GRM1: variants seen among roughly 807,000 people sequenced by gnomAD.
The protein encoded by GRM1 is metabotropic glutamate receptor 1.
A neutral mutation model predicts 90.9 loss-of-function variants in GRM1; 33 were observed. The observed-to-expected ratio is 0.36, with a 90% confidence interval of 0.28 to 0.49. The LOEUF (loss-of-function observed/expected upper bound fraction) is 0.49, where lower values mean the gene tolerates loss of function less well. GRM1 is among the 20% of genes least tolerant of loss of function. The pLI is 0.99. For missense variants in GRM1, 1,190 were observed against 1,534.3 expected (o/e 0.78, Z 3.75); for synonymous variants, 700 against 613.2 (o/e 1.14, Z -2.09).
chr6:146,315,762 T>C lies in GRM1; in HGVS notation c.1186+10916T>C, dbSNP rs932299167. Among the ~76,000 whole-genome samples, 4 of 152,226 alleles carry C rather than the reference T, an allele frequency of 2.6e-5. 1 individual carries two copies. The South Asian group carries it at 8.3e-4, about 32-fold the overall frequency. ...TCAGAACCATCTGTCACTGTCCAAGTTGAGAGCCTGCTAAGGTTTTGGCCC... is the reference window on the plus strand; with the variant it reads ...TCAGAACCATCTGTCACTGTCCAAGCTGAGAGCCTGCTAAGGTTTTGGCCC... On this transcript the variant is annotated intron_variant, in intron 3 of 7. Coordinates refer to ENST00000282753, the MANE Select transcript of GRM1 (RefSeq NM_001278064.2).
chr6:146,213,992 G>A (rs562572802), intron 2 of GRM1, among the ~76,000 whole-genome samples: 9 of 152,140 alleles, frequency 5.9e-5, no homozygotes, highest in African/African-American at 9.6e-5. Flanking sequence ...TGTCTGAGGC[G>A]GTAAAAGAAG....
chr6:146,106,932 T>G (rs927299943), intron 1 of GRM1, among the ~76,000 whole-genome samples: 1 of 152,246 alleles, frequency 6.6e-6, no homozygotes, highest in Non-Finnish European at 1.5e-5. Flanking sequence ...TGCTTTTTAC[T>G]TGTATCACTT....
At chr6:146,123,889 G>C (rs988466869) in intron 1 of GRM1, among the ~76,000 whole-genome samples, 3 of 152,118 alleles carry the variant, frequency 2.0e-5, no homozygotes, top group Non-Finnish European at 4.4e-5. Context: ...TATTTGAGTG[G>C]CATCATGGAA....
intron 3 of GRM1, among the ~76,000 whole-genome samples, chr6:146,332,344 G>GT (rs1156337198): frequency 6.6e-6 from 1 of 152,146 alleles, no homozygotes; most frequent in East Asian, 1.9e-4. Context: ...TCCTAAGCCT[G>GT]TTTAAGTTGT....
chr6:146,381,799 T>G (rs1776328989), intron 5 of GRM1, among the ~76,000 whole-genome samples: 1 of 152,182 alleles, frequency 6.6e-6, no homozygotes, highest in Non-Finnish European at 1.5e-5. Flanking sequence ...AATTTTCTCT[T>G]TTACCTTTTT....
intron 1 of GRM1, among the ~76,000 whole-genome samples, chr6:146,088,404 C>A (rs1776615141): frequency 6.6e-6 from 1 of 152,030 alleles, no homozygotes; most frequent in Non-Finnish European, 1.5e-5. Flanking sequence ...TACTGAAACA[C>A]CTGATATTTC....
intron 1 of GRM1, among the ~76,000 whole-genome samples, chr6:146,132,560 T>G (rs1776446950): frequency 6.6e-6 from 1 of 152,194 alleles, no homozygotes; most frequent in African/African-American, 2.4e-5. Flanking sequence ...TCCCACATTT[T>G]ATTGTGTATT....
chr6:146,110,663 G>A (rs1056796582), intron 1 of GRM1, among the ~76,000 whole-genome samples: 24 of 152,108 alleles, frequency 1.6e-4, no homozygotes, highest in African/African-American at 5.6e-4. Context: ...CCTAAAAGCT[G>A]TTCCTGACAA....
intron 1 of GRM1, among the ~76,000 whole-genome samples, chr6:146,083,748 A>G (rs2128864516): frequency 6.6e-6 from 1 of 152,330 alleles, no homozygotes; most frequent in South Asian, 2.1e-4. Context: ...CTGGCCTCAT[A>G]AAATGAGTTA....
intron 1 of GRM1, among the ~76,000 whole-genome samples, chr6:146,063,950 A>T (rs372203748): frequency 2.0e-5 from 3 of 152,184 alleles, no homozygotes; most frequent in African/African-American, 7.2e-5. Context: ...AAATCTGGAA[A>T]CTATGCATTA....
chr6:146,319,440 T>C (rs1784091667), intron 3 of GRM1, among the ~76,000 whole-genome samples: 1 of 152,214 alleles, frequency 6.6e-6, no homozygotes, highest in Non-Finnish European at 1.5e-5. Context: ...AGGATTGTCT[T>C]GGCTATATGG....
intron 7 of GRM1, among the ~76,000 whole-genome samples, chr6:146,417,697 A>G (rs1006586011): frequency 6.6e-6 from 1 of 152,168 alleles, no homozygotes; most frequent in Non-Finnish European, 1.5e-5. Flanking sequence ...CACAAAATTT[A>G]GGTTTTTGTG....
intron 5 of GRM1, among the ~76,000 whole-genome samples, chr6:146,359,720 C>G (rs148439584): frequency 2.0e-5 from 3 of 152,082 alleles, no homozygotes; most frequent in Non-Finnish European, 1.5e-5. Context: ...CAAGGCTGTC[C>G]GCATTTGTCC....
At chr6:146,231,126 C>T (rs1195752721) in intron 2 of GRM1, among the ~76,000 whole-genome samples, 2 of 152,100 alleles carry the variant, frequency 1.3e-5, no homozygotes, top group Non-Finnish European at 2.9e-5. Flanking sequence ...ATGTGCAACA[C>T]TGAGAGTGAA....
chr6:146,237,502 G>C (rs1232941444), intron 2 of GRM1, among the ~76,000 whole-genome samples: 1 of 149,640 alleles, frequency 6.7e-6, no homozygotes, highest in African/African-American at 2.5e-5. Context: ...ATAGTTATTT[G>C]TAAAATATTT....
chr6:146,313,790 C>CA (rs1352334373), intron 3 of GRM1, among the ~76,000 whole-genome samples: 8 of 152,082 alleles, frequency 5.3e-5, no homozygotes, highest in Non-Finnish European at 8.8e-5. Flanking sequence ...ACATTTACTG[C>CA]AATTAAGATA....
At chr6:146,330,557 A>T (rs9497527) in intron 3 of GRM1, among the ~76,000 whole-genome samples, 2,454 of 152,180 alleles carry the variant, frequency 0.016, 54 homozygotes, top group African/African-American at 0.055. Flanking sequence ...TATTGGATTT[A>T]AAAAAAATCT....
At chr6:146,069,594 T>C (rs1775960672) in intron 1 of GRM1, among the ~76,000 whole-genome samples, 1 of 152,200 alleles carries the variant, frequency 6.6e-6, no homozygotes, top group African/African-American at 2.4e-5. Context: ...TAAAATTCTT[T>C]TCAAAAAGTC....
intron 2 of GRM1, among the ~76,000 whole-genome samples, chr6:146,276,092 C>T (rs550931765): frequency 2.0e-4 from 30 of 152,154 alleles, no homozygotes; most frequent in African/African-American, 6.7e-4. Flanking sequence ...ATTGTGAAAA[C>T]ATAGTGCAAG....
Sources: gnomAD v4.1 joint callset for allele counts (sites outside exome capture counted in the v4.1 genomes callset) on GRCh38, gnomAD v4.1.1 for gene constraint, MANE v1.5 for transcripts, NCBI Gene and HGNC (gene_info 2026-07-23, HGNC 2026-07-21) for gene names.